Variants in BTBD16 observed in about 807,000 individuals in gnomAD.
BTBD16 encodes the protein BTB/POZ domain-containing protein 16.
A neutral mutation model predicts 67.4 loss-of-function variants in BTBD16; 66 were observed. The observed-to-expected ratio is 0.98, with a 90% CI of 0.80 to 1.20. The LOEUF (loss-of-function observed/expected upper bound fraction) is 1.20, where lower values mean the gene tolerates loss of function less well. Ranked by LOEUF, BTBD16 falls within the 50% of genes most tolerant of loss-of-function variation. BTBD16 has a pLI of 0.00. For synonymous variants in BTBD16, 242 were observed against 236.4 expected (o/e 1.02, Z -0.22); for missense variants, 634 against 616.0 (o/e 1.03, Z -0.31).
intron 9 of BTBD16, among the ~76,000 whole-genome samples, chr10:122,306,519 C>T (rs1322799127): frequency 1.3e-5 from 2 of 152,196 alleles, no homozygotes; most frequent in African/African-American, 4.8e-5. Context: ...GGAGGTTCCA[C>T]AGCCAGTCTG....
intron 12 of BTBD16, among the ~76,000 whole-genome samples, 195 bp downstream of exon 12, chr10:122,331,453 G>C (rs754660045): frequency 6.6e-6 from 1 of 152,146 alleles, no homozygotes; most frequent in Non-Finnish European, 1.5e-5. Flanking sequence ...CTTGGAATCC[G>C]GGTAGTTCGA....
chr10:122,307,071 C>T (rs1050613442), intron 9 of BTBD16, 118 bp from the exon 10 acceptor site: 7 of 1,165,958 alleles, frequency 6.0e-6, no homozygotes, highest in South Asian at 1.7e-5. Context: ...TCTGAGGCTA[C>T]CTTCAGACTC....
Position 122,315,117 on chromosome 10 carries a change from G to C in BTBD16, c.911+7809G>C, listed in dbSNP as rs374850839. Reference sequence around the variant, plus strand: ...TACCAACTTTACTAAATGGTTCTCAGATTTTCTCAAAATGATATATAGTTT... The same window carrying C: ...TACCAACTTTACTAAATGGTTCTCACATTTTCTCAAAATGATATATAGTTT... On this transcript the variant is annotated intron_variant, in intron 10 of 15. Coordinates refer to ENST00000260723, the MANE Select transcript of BTBD16 (RefSeq NM_144587.5). 3.9e-4 allele frequency among the ~76,000 whole-genome samples: 59 copies of C among 152,182 alleles called. No individual in the cohort carries two copies. In the South Asian group the frequency reaches 0.012, roughly 30 times the overall value.
intron 10 of BTBD16, among the ~76,000 whole-genome samples, chr10:122,309,427 C>T (rs1358988713): frequency 1.3e-5 from 2 of 151,952 alleles, no homozygotes; most frequent in Non-Finnish European, 2.9e-5. Context: ...TCACTTCAAC[C>T]TCCGCCTCCC....
intron 1 of BTBD16, among the ~76,000 whole-genome samples, chr10:122,274,094 T>C (rs567635990): frequency 3.9e-5 from 6 of 152,238 alleles, no homozygotes; most frequent in Non-Finnish European, 8.8e-5. Context: ...GCTGAGGTTC[T>C]TGGTCATCAA....
intron 10 of BTBD16, among the ~76,000 whole-genome samples, chr10:122,317,015 C>G (rs1278420062): frequency 6.6e-6 from 1 of 151,568 alleles, no homozygotes; most frequent in Non-Finnish European, 1.5e-5. Flanking sequence ...TCTCAAACTC[C>G]CGACCTCAGG....
At chr10:122,315,248 T>C (rs968833120) in intron 10 of BTBD16, among the ~76,000 whole-genome samples, 1 of 152,180 alleles carries the variant, frequency 6.6e-6, no homozygotes, top group Non-Finnish European at 1.5e-5. Context: ...AACATACAGT[T>C]TGATGACTTT....
chr10:122,302,922 T>G (rs942807440), intron 9 of BTBD16, among the ~76,000 whole-genome samples: 35 of 152,298 alleles, frequency 2.3e-4, no homozygotes, highest in African/African-American at 8.4e-4. Context: ...CACGTCTGAG[T>G]GGCCTAAAGC....
intron 3 of BTBD16, among the ~76,000 whole-genome samples, chr10:122,279,939 C>T (rs898932517): frequency 1.3e-5 from 2 of 152,130 alleles, no homozygotes; most frequent in African/African-American, 4.8e-5. Flanking sequence ...TCGTCTATTT[C>T]GGGTATGTAA....
chr10:122,321,244 C>A (rs2096434919), intron 10 of BTBD16, among the ~76,000 whole-genome samples: 1 of 152,100 alleles, frequency 6.6e-6, no homozygotes, highest in Non-Finnish European at 1.5e-5. Context: ...TTTTCTTTAT[C>A]CAATCCACCA....
intron 7 of BTBD16, chr10:122,291,395 T>G: frequency 1.8e-6 from 1 of 568,652 alleles, no homozygotes; most frequent in Non-Finnish European, 2.8e-6. Context: ...AGCAACACGC[T>G]AGTTTTAACC....
chr10:122,317,863 C>T (rs2142111629), intron 10 of BTBD16, among the ~76,000 whole-genome samples: 1 of 152,078 alleles, frequency 6.6e-6, no homozygotes, highest in African/African-American at 2.4e-5. Flanking sequence ...TCCTGAAGGT[C>T]CTGCTTGAGG....
chr10:122,291,188 T>A lies in BTBD16; in HGVS notation c.584T>A (p.Phe195Tyr), dbSNP rs150125169. The change falls in exon 7 of 16, where the codon TTT becomes TAT. Residue 195 changes from phenylalanine (F) to tyrosine (Y), a missense_variant. Phe to Tyr is a conservative substitution (Grantham distance 22). Transcript: ENST00000260723. ...SAHILQFSGLFQRCVDVMIAR... is the reference protein window; with the variant it reads ...SAHILQFSGLYQRCVDVMIAR... ...CACATCCTCCAGTTCAGTGGCCTGTTTCAAAGGTAAGGAAACAAGGCTGAC... is the reference window on the plus strand; with the variant it reads ...CACATCCTCCAGTTCAGTGGCCTGTATCAAAGGTAAGGAAACAAGGCTGAC... 9.3e-6 allele frequency: 15 copies of A among 1,610,542 alleles called. No individual in the cohort carries two copies. The highest frequency in any genetic ancestry group is 1.3e-5 in the African/African-American group (1 of 74,816).
intron 10 of BTBD16, among the ~76,000 whole-genome samples, chr10:122,312,320 T>C (rs994895888): frequency 5.0e-4 from 71 of 140,994 alleles, no homozygotes; most frequent in African/African-American, 1.6e-3. Context: ...TTTTTTTTTT[T>C]TTTTTTTTTT....
chr10:122,303,586 A>G (rs2096398013), intron 9 of BTBD16: 1 of 376,874 alleles, frequency 2.7e-6, no homozygotes, highest in Non-Finnish European at 3.6e-6. Flanking sequence ...TCTTACTCAC[A>G]TGGTCATGGC....
At chr10:122,328,800 G>T (rs1436112015) in intron 10 of BTBD16, 1 of 985,402 alleles carries the variant, frequency 1.0e-6, no homozygotes, top group African/African-American at 1.7e-5. Context: ...GTGTGTGCGT[G>T]TCTTCTCAAA....
At chr10:122,272,678 TAC>T (rs112265160) in intron 1 of BTBD16, among the ~76,000 whole-genome samples, 185 of 147,292 alleles carry the variant, frequency 1.3e-3, no homozygotes, top group African/African-American at 1.7e-3. Context: ...GCAAAGGAAA[TAC>T]ACACACACAC....
At chr10:122,308,718 G>A (rs1266028422) in intron 10 of BTBD16, among the ~76,000 whole-genome samples, 1 of 152,142 alleles carries the variant, frequency 6.6e-6, no homozygotes, top group Non-Finnish European at 1.5e-5. Flanking sequence ...ACACTGTCCA[G>A]GCCCACTCTG....
intron 9 of BTBD16, among the ~76,000 whole-genome samples, chr10:122,305,807 TA>T (rs538062092): frequency 8.9e-4 from 135 of 152,330 alleles, no homozygotes; most frequent in African/African-American, 3.2e-3. Context: ...ACTCAATGTT[TA>T]AGCTCCCACT....
Sources: gnomAD v4.1 joint callset for allele counts (sites outside exome capture counted in the v4.1 genomes callset) on GRCh38, gnomAD v4.1.1 for gene constraint, MANE v1.5 for transcripts, NCBI Gene and HGNC (gene_info 2026-07-23, HGNC 2026-07-21) for gene names.